Variants in PCDHGB3 observed in about 807,000 individuals in gnomAD.
The protein encoded by PCDHGB3 is protocadherin gamma subfamily B, 3, also known as protocadherin gamma-B3.
PCDHGB3 carries 40 observed loss-of-function variants against 59.2 expected under a neutral mutation model. The observed-to-expected ratio is 0.68, with a 90% confidence interval of 0.52 to 0.88. The LOEUF (loss-of-function observed/expected upper bound fraction) is 0.88. Ranked by LOEUF, PCDHGB3 falls within the 40% of genes least tolerant of loss-of-function variation. The probability of loss-of-function intolerance (pLI) is 0.00; values close to 1 mark genes in which losing one functional copy is unlikely to be tolerated. For synonymous variants in PCDHGB3, 581 were observed against 503.6 expected, an observed-to-expected ratio of 1.15 and a Z score of -2.06; for missense variants, 1,309 against 1,187.9, an observed-to-expected ratio of 1.10 and a Z score of -1.50.
intron 1 of PCDHGB3, among the ~76,000 whole-genome samples, chr5:141,451,395 A>G (rs2098715118): frequency 6.6e-6 from 1 of 152,184 alleles, no homozygotes; most frequent in Admixed American, 6.6e-5. Context: ...AGTTAATGGC[A>G]AAATTAAGTT....
chr5:141,501,666 T>C (rs2099810374), intron 2 of PCDHGB3, among the ~76,000 whole-genome samples: 1 of 152,142 alleles, frequency 6.6e-6, no homozygotes. Context: ...TTGGAAAATA[T>C]AGATAATCAC....
chr5:141,461,286 C>T (rs2099012487), intron 1 of PCDHGB3, among the ~76,000 whole-genome samples: 1 of 152,144 alleles, frequency 6.6e-6, no homozygotes, highest in Admixed American at 6.6e-5. Context: ...TTCCCCACAT[C>T]CACACCAACA....
chr5:141,399,618 G>A, intron 1 of PCDHGB3: 1 of 1,613,914 alleles, frequency 6.2e-7, no homozygotes, highest in Non-Finnish European at 8.5e-7. Context: ...CTCTGGCACT[G>A]GCCTCTTACG....
rs946798767 is a variant in PCDHGB3, at chr5:141,438,591, CATATATATAT to C, written c.2416-56180_2416-56171del. On this transcript the variant is annotated intron_variant, in intron 1 of 3. Transcript: ENST00000576222. The stretch of plus-strand genomic sequence containing the variant: ...TCTGATATACATACATACATACATA[CATATATATAT>C]ATATATATATATATATATATATATA... Among the ~76,000 whole-genome samples, 12 of 75,572 alleles carry C rather than the reference CATATATATAT, an allele frequency of 1.6e-4. No individual in the cohort carries two copies. The East Asian group carries it at 1.7e-3, about 11-fold the overall frequency. The allele number at this position is 75,572 out of a possible 152,430, so 49.6% of individuals were successfully genotyped here.
chr5:141,485,408 T>C lies in PCDHGB3; in HGVS notation c.2416-9399T>C. On this transcript the variant is annotated intron_variant, in intron 1 of 3. Transcript: ENST00000576222. The surrounding 1 kb of genome is among the most constrained non-coding windows in gnomAD (Gnocchi z 5.7). ...GAACCAAAGACACTTCCGTGTGGAT[T>C]TGGACAGCGGAGCCCTGCTCATCAA... 1 of 1,614,112 alleles carries C rather than the reference T, an allele frequency of 6.2e-7. No individual in the cohort carries two copies. Among genetic ancestry groups the C allele is most frequent in the Non-Finnish European group, 8.5e-7 (1 of 1,180,034 alleles).
In PCDHGB3 at chr5:141,487,000, G is replaced by A. The variant is rs1410493699; in HGVS notation, c.2416-7807G>A. On this transcript the variant is annotated intron_variant, in intron 1 of 3. Transcript: ENST00000576222. The surrounding 1 kb of genome is among the most constrained non-coding windows in gnomAD (Gnocchi z 5.0). ...GTTACAATGCTTGGGTTTCCTATCA[G>A]CTCCTGGAGGCCCCAGATCCCAGCC... The A allele has an allele frequency of 6.2e-7, 1 of 1,614,194 alleles. No homozygotes were observed. The highest frequency in any genetic ancestry group is 8.5e-7 in the Non-Finnish European group (1 of 1,180,036).
intron 1 of PCDHGB3, among the ~76,000 whole-genome samples, chr5:141,457,254 A>G (rs2098914828): frequency 6.6e-6 from 1 of 152,222 alleles, no homozygotes; most frequent in Admixed American, 6.5e-5. Flanking sequence ...TTGCCAACAT[A>G]TAGAATTCCC....
At chr5:141,483,918 T>G (rs2099588800) in intron 1 of PCDHGB3, among the ~76,000 whole-genome samples, 1 of 150,512 alleles carries the variant, frequency 6.6e-6, no homozygotes, top group Non-Finnish European at 1.5e-5. Flanking sequence ...CCACTCAGAT[T>G]GCAGGTCGTA....
At chr5:141,426,916 A>T (rs1227752756) in intron 1 of PCDHGB3, 2 of 456,618 alleles carry the variant, frequency 4.4e-6, no homozygotes, top group Non-Finnish European at 4.4e-6. Context: ...CTGGTCCTGG[A>T]AGCAATGGAC....
At chr5:141,448,316 T>G (rs1042171540) in intron 1 of PCDHGB3, among the ~76,000 whole-genome samples, 2 of 152,174 alleles carry the variant, frequency 1.3e-5, no homozygotes, top group Admixed American at 1.3e-4. Context: ...AGGAATCTTT[T>G]CTTTGAATCT....
intron 2 of PCDHGB3, among the ~76,000 whole-genome samples, chr5:141,502,705 T>C (rs1475675789): frequency 6.6e-6 from 1 of 152,248 alleles, no homozygotes; most frequent in African/African-American, 2.4e-5. Context: ...TATCTGTTTT[T>C]ACATCAGTGA....
At chr5:141,374,961 G>C (rs1770983787) in intron 1 of PCDHGB3, 1 of 1,614,028 alleles carries the variant, frequency 6.2e-7, no homozygotes, top group Non-Finnish European at 8.5e-7. Flanking sequence ...CAAATTTTCT[G>C]TTTGAATGTT....
At position 141,491,410 on chromosome 5, in the gene PCDHGB3, G is replaced by A. The variant is rs777207581; in HGVS notation, c.2416-3397G>A. The A allele has an allele frequency of 1.9e-6, 3 of 1,614,024 alleles. No homozygotes were observed. Among genetic ancestry groups the A allele is most frequent in the Admixed American group, 1.7e-5 (1 of 60,006 alleles). ...GTGCCTTCAGGGAAACGCAGACGGGGACGGGGGTGGAGGGCAGTGCTGCAG... is the reference window on the plus strand; with the variant it reads ...GTGCCTTCAGGGAAACGCAGACGGGAACGGGGGTGGAGGGCAGTGCTGCAG... On this transcript the variant is annotated intron_variant, in intron 1 of 3. Transcript: ENST00000576222. The surrounding 1 kb of genome is among the most constrained non-coding windows in gnomAD (Gnocchi z 6.9).
chr5:141,389,248 A>G (rs757462176), intron 1 of PCDHGB3: 45 of 1,613,918 alleles, frequency 2.8e-5, no homozygotes, highest in African/African-American at 6.7e-5. Flanking sequence ...CAGTCTTCCT[A>G]TATAGTCCAC....
In PCDHGB3 at chr5:141,388,840, C is replaced by A. The variant is rs764876092; in HGVS notation, c.2415+16031C>A. The stretch of plus-strand genomic sequence containing the variant: ...AAAGAATATTCCATAGTTTTGGAAG[C>A]AAGGGACGGTGGAGGAATGATTGCG... On this transcript the variant is annotated intron_variant, in intron 1 of 3. Coordinates refer to ENST00000576222, the MANE Select transcript of PCDHGB3 (RefSeq NM_018924.5). 4 of 1,613,900 alleles carry A rather than the reference C, an allele frequency of 2.5e-6. No homozygotes were observed. The South Asian group carries it at 4.4e-5, about 18-fold the overall frequency.
chr5:141,415,815 A>G, intron 1 of PCDHGB3: 1 of 1,337,656 alleles, frequency 7.5e-7, no homozygotes, highest in East Asian at 2.7e-5. Context: ...AGGCCTATAT[A>G]TCATAAGGCT....
At chr5:141,480,198 G>A (rs1280951298) in intron 1 of PCDHGB3, among the ~76,000 whole-genome samples, 2 of 150,780 alleles carry the variant, frequency 1.3e-5, no homozygotes, top group African/African-American at 4.9e-5. Flanking sequence ...GAGGCCAGCA[G>A]TTCAAGACCA....
intron 1 of PCDHGB3, chr5:141,392,860 T>G (rs726684): frequency 0.19 from 299,729 of 1,611,996 alleles, 30,027 homozygotes; most frequent in Admixed American, 0.35. Context: ...CTGATCCTGC[T>G]GTGCGCGCTG....
chr5:141,403,986 C>A (rs367739607), intron 1 of PCDHGB3: 12 of 1,613,586 alleles, frequency 7.4e-6, no homozygotes, highest in Admixed American at 1.7e-5. Flanking sequence ...GACAATAGAC[C>A]TGAAGTGACC....
Sources: gnomAD v4.1 joint callset for allele counts (sites outside exome capture counted in the v4.1 genomes callset) on GRCh38, gnomAD v4.1.1 for gene constraint, Gnocchi (gnomAD v3.1) non-coding constraint, MANE v1.5 for transcripts, NCBI Gene and HGNC (gene_info 2026-07-23, HGNC 2026-07-21) for gene names.